The following NRIP1 variants were observed in gnomAD, a reference collection of about 807,000 sequenced individuals.
NRIP1 encodes nuclear receptor-interacting protein 1.
A neutral mutation model predicts 75.0 loss-of-function variants in NRIP1; 28 were observed. That is an observed-to-expected ratio of 0.37 (90% CI 0.28 to 0.51). NRIP1 has a LOEUF of 0.51. Among genes scored for constraint, NRIP1 ranks in the 20% least tolerant of loss-of-function variants. The probability of loss-of-function intolerance (pLI) is 0.92; values close to 1 mark genes in which losing one functional copy is unlikely to be tolerated. For synonymous variants in NRIP1, 526 were observed against 487.6 expected, an observed-to-expected ratio of 1.08 and a Z score of -1.04; for missense variants, 1,435 against 1,343.7, an observed-to-expected ratio of 1.07 and a Z score of -1.06.
At chr21:15,059,446 C>A (rs80339902) in intron 1 of NRIP1, among the ~76,000 whole-genome samples, 7 of 151,798 alleles carry the variant, frequency 4.6e-5, no homozygotes, top group Non-Finnish European at 1.0e-4. Context: ...TCAGATAATT[C>A]TATTATCAAG....
chr21:15,046,164 C>A, intron 1 of NRIP1, among the ~76,000 whole-genome samples: 1 of 152,172 alleles, frequency 6.6e-6, no homozygotes, highest in East Asian at 1.9e-4. Flanking sequence ...TTTACAATTG[C>A]CTTTGCCCAG....
intron 1 of NRIP1, chr21:15,050,351 C>A: frequency 9.5e-6 from 2 of 209,616 alleles, no homozygotes; most frequent in Middle Eastern, 1.9e-3. Flanking sequence ...CATTCTCTCT[C>A]TGCCTATCCC....
Position 14,962,470 on chromosome 21 carries a change from T to C in NRIP1, c.*2246A>G, listed in dbSNP as rs1270018083. 2 of 152,344 alleles carry C rather than the reference T, an allele frequency of 1.3e-5. No homozygotes were observed. Among genetic ancestry groups the C allele is most frequent in the Non-Finnish European group, 2.9e-5 (2 of 67,892 alleles). 9.4% of individuals were successfully genotyped at this position (152,344 alleles called of 1,614,324 possible). A position where few individuals can be genotyped will look rare whatever the true frequency, so the allele number is the denominator to read the frequency against. On this transcript the variant is annotated 3_prime_UTR_variant, in exon 4 of 4. Coordinates refer to ENST00000318948, the MANE Select transcript of NRIP1 (RefSeq NM_003489.4). ...AAGTAGCAATGCTGGCCCTTGGTCT[T>C]TTCCCTGACCTAAATTTCACTCTCT...
intron 1 of NRIP1, among the ~76,000 whole-genome samples, chr21:15,064,129 A>C (rs1394415770): frequency 3.9e-5 from 6 of 152,192 alleles, no homozygotes; most frequent in Non-Finnish European, 8.8e-5. Flanking sequence ...GGCTCACCCT[A>C]AATGGGGGCC....
intron 1 of NRIP1, among the ~76,000 whole-genome samples, chr21:15,045,532 G>A (rs1260512210): frequency 2.6e-5 from 4 of 152,200 alleles, no homozygotes; most frequent in Non-Finnish European, 4.4e-5. Flanking sequence ...ACTCTTCAGT[G>A]GTGGGCACCT....
At chr21:15,039,415 C>T (rs1179404082) in intron 2 of NRIP1, among the ~76,000 whole-genome samples, 2 of 152,116 alleles carry the variant, frequency 1.3e-5, no homozygotes, top group African/African-American at 4.8e-5. Flanking sequence ...GGTCAATAGT[C>T]CCTTATCCAC....
intron 1 of NRIP1, among the ~76,000 whole-genome samples, chr21:15,052,564 T>C (rs757996851): frequency 6.6e-6 from 1 of 152,172 alleles, no homozygotes; most frequent in Non-Finnish European, 1.5e-5. Flanking sequence ...CCGCGATACT[T>C]CACTGAAGTA....
At chr21:15,046,571 C>T (rs944282506) in intron 1 of NRIP1, among the ~76,000 whole-genome samples, 1 of 152,120 alleles carries the variant, frequency 6.6e-6, no homozygotes, top group Non-Finnish European at 1.5e-5. Flanking sequence ...CATTGGTTTC[C>T]ACTTCAAGTC....
chr21:14,967,368 A>G lies in NRIP1; in HGVS notation c.825T>C (p.His275=). The G allele has an allele frequency of 1.1e-5, 17 of 1,614,106 alleles. No individual in the cohort carries two copies. Among genetic ancestry groups the G allele is most frequent in the Non-Finnish European group, 1.4e-5 (16 of 1,180,004 alleles). The change falls in exon 4 of 4, where the codon CAT becomes CAC. Residue 275 remains histidine, a synonymous_variant. Coordinates refer to ENST00000318948, the MANE Select transcript of NRIP1 (RefSeq NM_003489.4). ...QLALLLSSEA[H]LQQYSREHAL... ...CGTGTTCTCGAGAATACTGCTGCAAATGGGCTTCGCTTGACAGAAGTAATG... is the reference window on the plus strand; with the variant it reads ...CGTGTTCTCGAGAATACTGCTGCAAGTGGGCTTCGCTTGACAGAAGTAATG...
At position 14,967,443 on chromosome 21, in the gene NRIP1, C is replaced by A; in HGVS notation, c.750G>T (p.Arg250Ser). ...LQAVASMVEK[R>S]ASPATSPKPS... Reference sequence around the variant, plus strand: ...GTTTAGGTGAGGTGGCAGGACTAGCCCTTTTTTCCACCATGCTTGCAACAG... The same window carrying A: ...GTTTAGGTGAGGTGGCAGGACTAGCACTTTTTTCCACCATGCTTGCAACAG... Residue 250 changes from arginine to serine, a missense_variant, in exon 4 of 4, where the codon AGG (arginine) becomes AGT (serine). Arg to Ser is a moderately radical substitution (Grantham distance 110, BLOSUM62 -1). Transcript: ENST00000318948. 4 of 1,614,016 alleles carry A rather than the reference C, an allele frequency of 2.5e-6. No individual in the cohort carries two copies. Among genetic ancestry groups the A allele is most frequent in the Non-Finnish European group, 3.4e-6 (4 of 1,179,986 alleles).
Position 14,973,843 on chromosome 21 carries a change from A to ATTTTT in NRIP1, c.-334-5322_-334-5318dup, listed in dbSNP as rs11391044. Among the ~76,000 whole-genome samples, 13 of 129,832 alleles carry ATTTTT rather than the reference A, an allele frequency of 1.0e-4. No individual in the cohort carries two copies. The East Asian group carries it at 2.1e-3, about 21-fold the overall frequency. 85.2% of individuals were successfully genotyped at this position (129,832 alleles called of 152,430 possible). A position where few individuals can be genotyped will look rare whatever the true frequency, so the allele number is the denominator to read the frequency against. ...AGGTGTGTGCCACCATGCAGAGCTGATTTTTTTTTTTTTTTTTTCCTGTGG... is the reference window on the plus strand; with the variant it reads ...AGGTGTGTGCCACCATGCAGAGCTGATTTTTTTTTTTTTTTTTTTTTTTCCTGTGG... On this transcript the variant is annotated intron_variant, in intron 3 of 3. Transcript: ENST00000318948.
intron 3 of NRIP1, among the ~76,000 whole-genome samples, chr21:14,971,311 T>C (rs948691356): frequency 6.6e-6 from 1 of 152,138 alleles, no homozygotes; most frequent in African/African-American, 2.4e-5. Context: ...ACACACACAT[T>C]CTCTCACTCT....
chr21:15,041,777 T>C (rs1290502691), intron 2 of NRIP1, among the ~76,000 whole-genome samples: 3 of 152,188 alleles, frequency 2.0e-5, no homozygotes, highest in Non-Finnish European at 4.4e-5. Context: ...GAAATATTTA[T>C]AATAGTTCAT....
chr21:15,038,662 A>C (rs1043766557), intron 2 of NRIP1, among the ~76,000 whole-genome samples: 5 of 152,086 alleles, frequency 3.3e-5, no homozygotes, highest in South Asian at 2.1e-4. Context: ...TGATGAAAAA[A>C]ACTACTTTCA....
chr21:15,035,201 G>T lies in NRIP1; in HGVS notation c.-458+8294C>A, dbSNP rs966696480. Among the ~76,000 whole-genome samples the T allele has an allele frequency of 2.0e-5, 3 of 152,244 alleles. No homozygotes were observed. The South Asian group carries it at 6.2e-4, about 32-fold the overall frequency. ...TAATGCCTACTCAAGAGGTAAAAGA[G>T]AAATATACCCTTTGTTTTAAATTTT... On this transcript the variant is annotated intron_variant, in intron 2 of 3. Coordinates refer to ENST00000318948, the MANE Select transcript of NRIP1 (RefSeq NM_003489.4).
intron 3 of NRIP1, among the ~76,000 whole-genome samples, chr21:14,974,672 C>G (rs547863003): frequency 6.6e-6 from 1 of 152,260 alleles, no homozygotes; most frequent in South Asian, 2.1e-4. Flanking sequence ...GAAGTTTTTG[C>G]CACAAAACAC....
intron 2 of NRIP1, among the ~76,000 whole-genome samples, chr21:15,032,778 C>T (rs1465780408): frequency 6.6e-6 from 1 of 152,138 alleles, no homozygotes; most frequent in African/African-American, 2.4e-5. Flanking sequence ...GGAGATGCAG[C>T]AGAAGGGTGA....
intron 3 of NRIP1, 39 bp downstream of exon 3, chr21:15,014,305 T>A: frequency 2.5e-6 from 1 of 395,808 alleles, no homozygotes; most frequent in African/African-American, 2.1e-5. Flanking sequence ...AAAGTCATAA[T>A]GATTAAGCCT....
rs2086640822 is a variant in NRIP1 at position 14,963,436 on chromosome 21, C to T, written c.*1280G>A. 6.6e-6 allele frequency: 1 copy of T among 152,474 alleles called. No homozygotes were observed. Among genetic ancestry groups the T allele is most frequent in the Non-Finnish European group, 1.5e-5 (1 of 67,976 alleles). The allele number at this position is 152,474 out of a possible 1,614,324, so 9.4% of individuals were successfully genotyped here. On this transcript the variant is annotated 3_prime_UTR_variant, in exon 4 of 4. Coordinates refer to ENST00000318948, the MANE Select transcript of NRIP1 (RefSeq NM_003489.4). The stretch of plus-strand genomic sequence containing the variant: ...GAGCCAGATATGAAAGTTATCCCCT[C>T]CACCCAATTTTTGTCATAAAAAGTG...
Sources: gnomAD v4.1 joint callset for allele counts (sites outside exome capture counted in the v4.1 genomes callset) on GRCh38, gnomAD v4.1.1 for gene constraint, MANE v1.5 for transcripts, NCBI Gene and HGNC (gene_info 2026-07-23, HGNC 2026-07-21) for gene names.